Variants in SYNPR observed in about 807,000 individuals in gnomAD.
SYNPR encodes the protein synaptoporin.
SYNPR carries 23 observed loss-of-function variants against 32.9 expected under a neutral mutation model. That is an observed-to-expected ratio of 0.70 (90% confidence interval 0.50 to 0.99). The LOEUF (loss-of-function observed/expected upper bound fraction) is 0.99. Ranked by LOEUF, SYNPR falls within the 50% of genes least tolerant of loss-of-function variation. The pLI is 0.00. For missense variants in SYNPR, 318 were observed against 349.3 expected, an observed-to-expected ratio of 0.91 and a Z score of 0.71; for synonymous variants, 146 against 135.9, an observed-to-expected ratio of 1.07 and a Z score of -0.52.
rs1560184932 is a variant in SYNPR, at chr3:63,302,522, TGC to T, written c.84+23781_84+23782del. Among the ~76,000 whole-genome samples the T allele has an allele frequency of 2.6e-5, 4 of 152,098 alleles. No homozygotes were observed. The East Asian group carries it at 7.7e-4, about 29-fold the overall frequency. ...AGTAGGCCTGACTCCAAGTTCAGTA[TGC>T]CTTCTTCTATCTCACTTTAATTCAA... is the stretch of plus-strand genomic sequence containing the variant. On this transcript the variant is annotated intron_variant, in intron 2 of 5. Coordinates refer to ENST00000478300, the MANE Select transcript of SYNPR (RefSeq NM_001130003.2).
chr3:63,399,952 A>C (rs1413963367), intron 2 of SYNPR, among the ~76,000 whole-genome samples: 1 of 152,172 alleles, frequency 6.6e-6, no homozygotes, highest in African/African-American at 2.4e-5. Flanking sequence ...TTCCATGAAA[A>C]GAAAAGCGCC....
At chr3:63,295,002 C>A (rs938032302) in intron 2 of SYNPR, among the ~76,000 whole-genome samples, 1 of 152,068 alleles carries the variant, frequency 6.6e-6, no homozygotes, top group Non-Finnish European at 1.5e-5. Context: ...TGTTATTGCA[C>A]CATCTGCGGA....
intron 2 of SYNPR, among the ~76,000 whole-genome samples, chr3:63,363,830 C>T (rs1042539144): frequency 6.6e-6 from 1 of 152,162 alleles, no homozygotes; most frequent in African/African-American, 2.4e-5. Flanking sequence ...TGCTATAAGA[C>T]TCATATAATA....
chr3:63,329,672 G>A (rs982633048), intron 2 of SYNPR, among the ~76,000 whole-genome samples: 7 of 152,110 alleles, frequency 4.6e-5, no homozygotes, highest in East Asian at 1.9e-4. Context: ...TTCAACTCAC[G>A]AATGTGTCTC....
chr3:63,529,053 G>A (rs1038407641), intron 3 of SYNPR, among the ~76,000 whole-genome samples: 5 of 152,194 alleles, frequency 3.3e-5, no homozygotes, highest in Non-Finnish European at 5.9e-5. Flanking sequence ...CACAGTGGGC[G>A]ATACAAAGTT....
intron 3 of SYNPR, among the ~76,000 whole-genome samples, chr3:63,490,397 A>C (rs1183613633): frequency 6.6e-6 from 1 of 152,106 alleles, no homozygotes; most frequent in East Asian, 1.9e-4. Context: ...GAAAGGAGCC[A>C]TACAATTTGT....
At chr3:63,478,984 G>C (rs1321020812) in intron 2 of SYNPR, among the ~76,000 whole-genome samples, 2 of 152,132 alleles carry the variant, frequency 1.3e-5, no homozygotes, top group East Asian at 3.9e-4. Flanking sequence ...AGAGCATTTG[G>C]TCATGAGGAG....
intron 1 of SYNPR, among the ~76,000 whole-genome samples, chr3:63,241,322 T>G (rs1052882385): frequency 6.6e-6 from 1 of 152,152 alleles, no homozygotes; most frequent in Non-Finnish European, 1.5e-5. Flanking sequence ...CCAACAGCTA[T>G]TTCCTCTTTA....
At chr3:63,261,093 T>C (rs971150354) in intron 2 of SYNPR, among the ~76,000 whole-genome samples, 6 of 151,992 alleles carry the variant, frequency 3.9e-5, no homozygotes, top group Admixed American at 2.6e-4. Flanking sequence ...TGTGGAGAAA[T>C]AGGAACACTT....
chr3:63,398,398 A>T, intron 2 of SYNPR, among the ~76,000 whole-genome samples: 1 of 152,190 alleles, frequency 6.6e-6, no homozygotes, highest in East Asian at 1.9e-4. Flanking sequence ...AAATATACAT[A>T]GAGACCTGTA....
intron 2 of SYNPR, among the ~76,000 whole-genome samples, chr3:63,313,103 C>T (rs1486336928): frequency 6.6e-6 from 1 of 152,008 alleles, no homozygotes; most frequent in Non-Finnish European, 1.5e-5. Context: ...ATAATACATT[C>T]AAGGTCTCAC....
At chr3:63,424,825 C>G (rs1699864913) in intron 2 of SYNPR, among the ~76,000 whole-genome samples, 1 of 152,016 alleles carries the variant, frequency 6.6e-6, no homozygotes, top group African/African-American at 2.4e-5. Flanking sequence ...TAAGTTCAGA[C>G]CAAAATATCT....
At chr3:63,308,936 G>A (rs1608451) in intron 2 of SYNPR, among the ~76,000 whole-genome samples, 48,635 of 151,358 alleles carry the variant, frequency 0.32, 8,169 homozygotes, top group South Asian at 0.47. Context: ...ATTATTTTCC[G>A]AATTTCCTTT....
At chr3:63,472,362 A>G (rs1297538131) in intron 2 of SYNPR, among the ~76,000 whole-genome samples, 1 of 152,168 alleles carries the variant, frequency 6.6e-6, no homozygotes, top group Non-Finnish European at 1.5e-5. Flanking sequence ...CCTCATCTGT[A>G]AAATGAGGGG....
chr3:63,397,988 G>A (rs891997713), intron 2 of SYNPR, among the ~76,000 whole-genome samples: 5 of 152,192 alleles, frequency 3.3e-5, no homozygotes, highest in African/African-American at 1.2e-4. Flanking sequence ...GGAATCTCCT[G>A]TTACTCTTGG....
At chr3:63,602,153 G>A (rs555493496) in intron 4 of SYNPR, among the ~76,000 whole-genome samples, 1 of 152,212 alleles carries the variant, frequency 6.6e-6, no homozygotes, top group Admixed American at 6.5e-5. Context: ...TCTTTTGAAA[G>A]CGTCTGTTCA....
intron 1 of SYNPR, among the ~76,000 whole-genome samples, chr3:63,243,139 T>A (rs2086260841): frequency 1.3e-5 from 2 of 152,040 alleles, no homozygotes; most frequent in Admixed American, 1.3e-4. Flanking sequence ...GAATATATGA[T>A]ATCTAATGTT....
intron 3 of SYNPR, among the ~76,000 whole-genome samples, chr3:63,509,552 T>G (rs1158185): frequency 6.6e-6 from 1 of 151,494 alleles, no homozygotes; most frequent in Non-Finnish European, 1.5e-5. Context: ...TGATTTGGAG[T>G]TGCTAACTAA....
In SYNPR at chr3:63,615,274, T is replaced by C. The variant is rs1700262474; in HGVS notation, c.651T>C (p.Val217=). Residue 217 remains valine (V), a synonymous_variant, in exon 6 of 6, where the codon GTT becomes GTC. Coordinates refer to ENST00000478300, the MANE Select transcript of SYNPR (RefSeq NM_001130003.2). ...FILWAGNIWF[V]FKETGWHSSG... is the part of the protein sequence containing the mutation. Reference sequence around the variant, plus strand: ...TCTGGGCTGGAAACATATGGTTTGTTTTCAAGGAGACCGGCTGGCATTCTT... The same window carrying C: ...TCTGGGCTGGAAACATATGGTTTGTCTTCAAGGAGACCGGCTGGCATTCTT... The C allele has an allele frequency of 6.2e-7, 1 of 1,613,856 alleles. No individual in the cohort carries two copies. Among genetic ancestry groups the C allele is most frequent in the South Asian group, 1.1e-5 (1 of 91,064 alleles).
Sources: gnomAD v4.1 joint callset for allele counts (sites outside exome capture counted in the v4.1 genomes callset) on GRCh38, gnomAD v4.1.1 for gene constraint, MANE v1.5 for transcripts, NCBI Gene and HGNC (gene_info 2026-07-23, HGNC 2026-07-21) for gene names.